BCR: variants seen among roughly 807,000 people sequenced by gnomAD.
BCR encodes breakpoint cluster region protein.
Under a neutral mutation model 138.6 loss-of-function variants are expected in BCR, and 58 were observed. The observed-to-expected ratio is 0.42, with a 90% CI of 0.34 to 0.52. BCR has a LOEUF of 0.52. BCR is among the 20% of genes least tolerant of loss of function. The probability of loss-of-function intolerance (pLI) is 0.06; values close to 1 mark genes in which losing one functional copy is unlikely to be tolerated. For synonymous variants in BCR, 786 were observed against 730.1 expected (o/e 1.08, Z -1.23); for missense variants, 1,599 against 1,727.2 (o/e 0.93, Z 1.32).
chr22:23,258,750 C>A (rs1175613275), intron 2 of BCR, among the ~76,000 whole-genome samples: 4 of 152,226 alleles, frequency 2.6e-5, no homozygotes, highest in Non-Finnish European at 5.9e-5. Flanking sequence ...TGCCACCCAG[C>A]CCCTGACAGA....
intron 1 of BCR, among the ~76,000 whole-genome samples, chr22:23,236,438 C>G (rs1464317715): frequency 1.3e-5 from 2 of 152,180 alleles, no homozygotes; most frequent in Non-Finnish European, 1.5e-5. Context: ...ATCCACTTGT[C>G]CTAATAGACC....
rs879757242 is a variant in BCR at position 23,260,752 on chromosome 22, C to G, written c.1462-198C>G. 8.9e-6 allele frequency: 5 copies of G among 563,798 alleles called. No homozygotes were observed. The South Asian group carries it at 9.7e-5, about 11-fold the overall frequency. The allele number at this position is 563,798 out of a possible 1,614,324, so 34.9% of individuals were successfully genotyped here. A position where few individuals can be genotyped will look rare whatever the true frequency, so the allele number is the denominator to read the frequency against. On this transcript the variant is annotated intron_variant, in intron 2 of 22. Transcript: ENST00000305877. ...GGTGTTGCCAGATGACCCCCCTCCCCGGGATTCTCAGTGACTGTGAGTGTG... is the reference window on the plus strand; with the variant it reads ...GGTGTTGCCAGATGACCCCCCTCCCGGGGATTCTCAGTGACTGTGAGTGTG...
At position 23,317,162 on chromosome 22, in the gene BCR, G is replaced by A; in HGVS notation, c.*1640G>A. 5.3e-6 allele frequency: 1 copy of A among 190,082 alleles called. No individual in the cohort carries two copies. The highest frequency in any genetic ancestry group is 8.7e-5 in the East Asian group (1 of 11,482). 11.8% of individuals were successfully genotyped at this position (190,082 alleles called of 1,614,324 possible). A position where few individuals can be genotyped will look rare whatever the true frequency, so the allele number is the denominator to read the frequency against. ...TGCTGAACCCGCAGCTCACTAGGGA[G>A]CCTGACAGTGGGGCCATGCGCCTGA... On this transcript the variant is annotated 3_prime_UTR_variant, in exon 23 of 23. Transcript: ENST00000305877.
intron 1 of BCR, among the ~76,000 whole-genome samples, chr22:23,203,427 C>T (rs536983468): frequency 6.6e-6 from 1 of 152,284 alleles, no homozygotes; most frequent in Admixed American, 6.5e-5. Flanking sequence ...GGGGCCTTAC[C>T]CTCCAAAAAT....
intron 8 of BCR, among the ~76,000 whole-genome samples, chr22:23,275,382 C>G (rs2073564469): frequency 6.6e-6 from 1 of 152,218 alleles, no homozygotes; most frequent in Non-Finnish European, 1.5e-5. Context: ...GGGAACATGG[C>G]CCCACCTCAT....
intron 1 of BCR, 42 bp downstream of exon 1, chr22:23,182,281 G>A: frequency 1.3e-6 from 2 of 1,489,988 alleles, no homozygotes; most frequent in Non-Finnish European, 1.8e-6. Flanking sequence ...CCTGCACGGG[G>A]GAGGAAAACC....
intron 16 of BCR, among the ~76,000 whole-genome samples, chr22:23,305,665 C>T (rs1440014806): frequency 1.3e-5 from 2 of 152,212 alleles, no homozygotes; most frequent in Non-Finnish European, 2.9e-5. Flanking sequence ...CTCTAGGCCA[C>T]CATCTGCCAG....
chr22:23,227,383 G>A (rs905757244), intron 1 of BCR, among the ~76,000 whole-genome samples: 9 of 152,220 alleles, frequency 5.9e-5, no homozygotes, highest in African/African-American at 2.2e-4. Context: ...CCACGATCAG[G>A]GAGGAAGCCA....
intron 1 of BCR, among the ~76,000 whole-genome samples, chr22:23,224,855 C>T (rs936777682): frequency 2.0e-5 from 3 of 152,172 alleles, no homozygotes; most frequent in Non-Finnish European, 4.4e-5. Flanking sequence ...GCACTCCATC[C>T]TGGGCGACAG....
At chr22:23,252,969 C>CTAA (rs2073248488) in intron 1 of BCR, among the ~76,000 whole-genome samples, 1 of 152,238 alleles carries the variant, frequency 6.6e-6, no homozygotes, top group Non-Finnish European at 1.5e-5. Flanking sequence ...AAGACTGCCC[C>CTAA]TAACGTCAGG....
At chr22:23,250,816 A>G (rs797020957) in intron 1 of BCR, among the ~76,000 whole-genome samples, 1 of 152,192 alleles carries the variant, frequency 6.6e-6, no homozygotes, top group Non-Finnish European at 1.5e-5. Context: ...TAGCGAGTCA[A>G]CGTCTCTGTT....
At chr22:23,199,474 T>A in intron 1 of BCR, 1 of 381,682 alleles carries the variant, frequency 2.6e-6, no homozygotes, top group Non-Finnish European at 5.2e-6. Flanking sequence ...GGTGCTTTGT[T>A]TTCACTCCTC....
At chr22:23,211,407 C>T (rs1432988913) in intron 1 of BCR, among the ~76,000 whole-genome samples, 1 of 151,890 alleles carries the variant, frequency 6.6e-6, no homozygotes. Context: ...ACTGTGTTAG[C>T]CAGGATGGTC....
At chr22:23,313,235 A>G (rs74327443) in intron 20 of BCR, among the ~76,000 whole-genome samples, 2 of 152,318 alleles carry the variant, frequency 1.3e-5, no homozygotes, top group East Asian at 3.9e-4. Context: ...CTACTCCTCA[A>G]GGAGACCAAG....
At position 23,315,630 on chromosome 22, in the gene BCR, A is replaced by G. The variant is rs562762400; in HGVS notation, c.*108A>G. ...CTGAGGTGTCCTTGGGCCACCCCCA[A>G]GTGTTGGGCCATCTGCCAAGAGACA... On this transcript the variant is annotated 3_prime_UTR_variant, in exon 23 of 23. Transcript: ENST00000305877. The G allele has an allele frequency of 2.5e-5, 26 of 1,035,504 alleles. No homozygotes were observed. The highest frequency in any genetic ancestry group is 1.3e-4 in the East Asian group (5 of 39,668). The allele number at this position is 1,035,504 out of a possible 1,614,324, so 64.1% of individuals were successfully genotyped here.
At chr22:23,236,482 G>A (rs972014272) in intron 1 of BCR, among the ~76,000 whole-genome samples, 3 of 152,238 alleles carry the variant, frequency 2.0e-5, no homozygotes, top group South Asian at 2.1e-4. Flanking sequence ...GGCTTTCCTG[G>A]TACAGTCCCC....
chr22:23,315,085 A>G (rs562427113), intron 22 of BCR, among the ~76,000 whole-genome samples: 1 of 152,294 alleles, frequency 6.6e-6, no homozygotes, highest in African/African-American at 2.4e-5. Flanking sequence ...TTAGCCAGGC[A>G]TTGTGGCACA....
chr22:23,181,654 C>G lies in BCR; in HGVS notation c.694C>G (p.Arg232Gly). The G allele has an allele frequency of 6.2e-7, 1 of 1,608,668 alleles. No homozygotes were observed. The highest frequency in any genetic ancestry group is 8.5e-7 in the Non-Finnish European group (1 of 1,179,866). ...SVGDASRPPYRGRSSESSCGV... is the reference protein window; with the variant it reads ...SVGDASRPPYGGRSSESSCGV... ...GGGGGATGCATCCAGGCCCCCTTAC[C>G]GGGGACGCTCCTCGGAGAGCAGCTG... The change falls in exon 1 of 23, where the codon CGG becomes GGG. Residue 232 changes from arginine (R) to glycine (G), a missense_variant. Transcript: ENST00000305877.
intron 1 of BCR, among the ~76,000 whole-genome samples, chr22:23,197,609 G>A (rs2072499078): frequency 6.6e-6 from 1 of 152,166 alleles, no homozygotes; most frequent in Admixed American, 6.5e-5. Flanking sequence ...GGGAAGGTGA[G>A]GGATAGGAGA....
Sources: gnomAD v4.1 joint callset for allele counts (sites outside exome capture counted in the v4.1 genomes callset) on GRCh38, gnomAD v4.1.1 for gene constraint, MANE v1.5 for transcripts, NCBI Gene and HGNC (gene_info 2026-07-23, HGNC 2026-07-21) for gene names.